The following MYO10 variants were observed in gnomAD, a reference collection of about 807,000 sequenced individuals.
The protein encoded by MYO10 is myosin X.
Under a neutral mutation model 257.3 loss-of-function variants are expected in MYO10, and 133 were observed. The ratio of observed to expected loss-of-function variants is 0.52; its 90% CI spans 0.45 to 0.60. The LOEUF is 0.60. Among genes scored for constraint, MYO10 ranks in the 20% least tolerant of loss-of-function variants. The pLI is 0.00. For synonymous variants in MYO10, 1,104 were observed against 1,028.6 expected, an observed-to-expected ratio of 1.07 and a Z score of -1.40; for missense variants, 2,399 against 2,635.7, an observed-to-expected ratio of 0.91 and a Z score of 1.97.
At chr5:16,673,087 T>C (rs1361791211) in intron 36 of MYO10, among the ~76,000 whole-genome samples, 4 of 152,192 alleles carry the variant, frequency 2.6e-5, no homozygotes, top group African/African-American at 9.7e-5. Flanking sequence ...TGGGCTGATT[T>C]CTTGCAAACC....
chr5:16,685,860 G>C, intron 28 of MYO10, 29 bp from the exon 29 acceptor site: 1 of 1,554,280 alleles, frequency 6.4e-7, no homozygotes, highest in Non-Finnish European at 8.7e-7. Flanking sequence ...AACTGTCAAG[G>C]AGAGGCCAAC....
intron 19 of MYO10, among the ~76,000 whole-genome samples, chr5:16,746,394 G>A (rs1367736352): frequency 3.3e-5 from 5 of 152,178 alleles, no homozygotes; most frequent in Admixed American, 6.5e-5. Context: ...ATGCAGCCTA[G>A]TAGGTTTCAG....
At chr5:16,832,244 T>C (rs1390102992) in intron 2 of MYO10, among the ~76,000 whole-genome samples, 1 of 152,154 alleles carries the variant, frequency 6.6e-6, no homozygotes, top group Non-Finnish European at 1.5e-5. Flanking sequence ...CCTGGCTTTG[T>C]AGGTGTTTTT....
rs992977410 is a variant in MYO10 at position 16,750,404 on chromosome 5, AT to A, written c.1929+4423del. On this transcript the variant is annotated intron_variant, in intron 19 of 40. Transcript: ENST00000513610. ...TCAAAACAATACATAGAAAACCCAA[AT>A]TAAAAAAAAAAAAATTAACAACCCA... 2.2e-4 allele frequency among the ~76,000 whole-genome samples: 33 copies of A among 152,102 alleles called. 1 individual carries two copies. The highest frequency in any genetic ancestry group is 2.1e-3 in the Admixed American group (32 of 15,250).
At chr5:16,703,458 A>G (rs1166841711) in intron 22 of MYO10, among the ~76,000 whole-genome samples, 1 of 152,220 alleles carries the variant, frequency 6.6e-6, no homozygotes, top group African/African-American at 2.4e-5. Context: ...ATAGTTCCCA[A>G]AGAGATCTGA....
chr5:16,850,509 C>T (rs969624153), intron 2 of MYO10, among the ~76,000 whole-genome samples: 49 of 152,048 alleles, frequency 3.2e-4, no homozygotes, highest in African/African-American at 1.2e-3. Context: ...AACTTCTGAC[C>T]TCGTGATCCA....
At position 16,671,471 on chromosome 5, in the gene MYO10, G is replaced by A. The variant is rs368061125; in HGVS notation, c.5381C>T (p.Thr1794Ile). The change falls in exon 38 of 41, where the codon ACA becomes ATA. Residue 1794 changes from threonine (T) to isoleucine (I), a missense_variant. By Grantham distance (89) the Thr-to-Ile change is moderately conservative (BLOSUM62 -1). Around this residue, in one of 3 missense-constraint regions of MYO10, gnomAD observed 1,820 missense variants for 1,939.4 expected, o/e 0.94. Transcript: ENST00000513610. ...CACACTGTCTTTTGGCACGTTGTCTGTGTCCAGGAAGCAGTAAAGTTTGAA... is the reference window on the plus strand; with the variant it reads ...CACACTGTCTTTTGGCACGTTGTCTATGTCCAGGAAGCAGTAAAGTTTGAA... ...FYFKLYCFLD[T>I]DNVPKDSVEF... The A allele has an allele frequency of 6.2e-7, 1 of 1,613,898 alleles. No homozygotes were observed. Among genetic ancestry groups the A allele is most frequent in the African/African-American group, 1.3e-5 (1 of 74,926 alleles).
intron 1 of MYO10, among the ~76,000 whole-genome samples, chr5:16,923,861 G>A (rs957276977): frequency 6.6e-6 from 1 of 152,070 alleles, no homozygotes; most frequent in Non-Finnish European, 1.5e-5. Flanking sequence ...AGGCCAAAGG[G>A]GAAGAATCCC....
chr5:16,799,790 G>A (rs1201729507), intron 3 of MYO10, among the ~76,000 whole-genome samples: 2 of 152,110 alleles, frequency 1.3e-5, no homozygotes, highest in African/African-American at 2.4e-5. Context: ...CACTGTGCCC[G>A]GCTGAGAAAG....
chr5:16,786,657 T>C (rs1741590048), intron 4 of MYO10, among the ~76,000 whole-genome samples: 1 of 152,008 alleles, frequency 6.6e-6, no homozygotes, highest in Non-Finnish European at 1.5e-5. Flanking sequence ...GATTCCAAAA[T>C]CCAAAAACAT....
intron 1 of MYO10, among the ~76,000 whole-genome samples, chr5:16,914,418 C>G (rs1410364090): frequency 6.6e-6 from 1 of 152,208 alleles, no homozygotes; most frequent in Non-Finnish European, 1.5e-5. Flanking sequence ...TTATCAGTAT[C>G]AGATAGCGGT....
chr5:16,821,054 TATA>T (rs1742785863), intron 2 of MYO10, among the ~76,000 whole-genome samples: 1 of 147,376 alleles, frequency 6.8e-6, no homozygotes, highest in Admixed American at 6.8e-5. Context: ...TACATATATG[TATA>T]ATATATAATA....
intron 1 of MYO10, among the ~76,000 whole-genome samples, chr5:16,920,004 G>C (rs1474696911): frequency 1.3e-5 from 2 of 152,146 alleles, no homozygotes; most frequent in African/African-American, 4.8e-5. Context: ...CCAGCTACTC[G>C]GGAGGCTGAG....
intron 19 of MYO10, among the ~76,000 whole-genome samples, chr5:16,731,911 A>G (rs1271714722): frequency 1.3e-5 from 2 of 152,168 alleles, no homozygotes; most frequent in Admixed American, 1.3e-4. Context: ...TATGCATGCT[A>G]TGCTGCCATC....
At position 16,665,543 on chromosome 5, in the gene MYO10, A is replaced by G. The variant is rs975747042; in HGVS notation, c.*1149T>C. 1 of 152,230 alleles carries G rather than the reference A, an allele frequency of 6.6e-6. No individual in the cohort carries two copies. Among genetic ancestry groups the G allele is most frequent in the Non-Finnish European group, 1.5e-5 (1 of 68,038 alleles). The allele number at this position is 152,230 out of a possible 1,614,324, so 9.4% of individuals were successfully genotyped here. On this transcript the variant is annotated 3_prime_UTR_variant, in exon 41 of 41. Coordinates refer to ENST00000513610, the MANE Select transcript of MYO10 (RefSeq NM_012334.3). The stretch of plus-strand genomic sequence containing the variant: ...CACCATTATAAACTTGGGATAAAAT[A>G]TGTGTGTATTAAAGCCTCAGCATTT...
intron 2 of MYO10, among the ~76,000 whole-genome samples, chr5:16,858,725 C>T (rs1266235659): frequency 2.0e-5 from 3 of 152,052 alleles, no homozygotes; most frequent in Non-Finnish European, 4.4e-5. Context: ...TCTGGGAGGC[C>T]GAGGTGGGCG....
intron 18 of MYO10, among the ~76,000 whole-genome samples, chr5:16,757,301 AACACACACACACACGCACACACACAC>A (rs1320528751): frequency 4.7e-4 from 40 of 84,386 alleles, no homozygotes; most frequent in African/African-American, 1.8e-3. Context: ...CACACACACA[AACACACACACACACGCACACACACAC>A]ACACACACAC....
rs1273790424 is a variant in MYO10 at position 16,832,089 on chromosome 5, G to GGTA, written c.121-13923_121-13922insTAC. On this transcript the variant is annotated intron_variant, in intron 2 of 40. Transcript: ENST00000513610. ...CCCCAACCAGGTAGCTGGGACTACA[G>GGTA]GCGCATGCCACCACGCCCTGCTAAT... Among the ~76,000 whole-genome samples the GGTA allele has an allele frequency of 1.4e-3, 212 of 152,218 alleles. 3 individuals carry two copies. In the South Asian group the frequency reaches 0.02, roughly 14 times the overall value.
chr5:16,670,806 G>A lies in MYO10; in HGVS notation c.5603C>T (p.Thr1868Ile), dbSNP rs1466935471. ...QRLKARISQS[T>I]KTFTPCERLE... ...CCGTTCACAAGGGGTGAAGGTTTTG[G>A]TTGACTGGCTGATGCGGGCCTTGAG... The change falls in exon 39 of 41, where the codon ACC (threonine) becomes ATC (isoleucine). Residue 1868 changes from threonine (T) to isoleucine (I), a missense_variant. Physicochemically the swap from Thr to Ile is moderately conservative, Grantham distance 89. This residue lies in a region of MYO10 where 1,820 missense variants were observed against 1,939.4 expected (regional missense o/e 0.94). Transcript: ENST00000513610. 6 of 1,613,914 alleles carry A rather than the reference G, an allele frequency of 3.7e-6. No homozygotes were observed. The highest frequency in any genetic ancestry group is 2.7e-5 in the African/African-American group (2 of 74,918).
Sources: gnomAD v4.1 joint callset for allele counts (sites outside exome capture counted in the v4.1 genomes callset) on GRCh38, gnomAD v4.1.1 for gene constraint, gnomAD v4.1.1 regional missense constraint, MANE v1.5 for transcripts, NCBI Gene and HGNC (gene_info 2026-07-23, HGNC 2026-07-21) for gene names.